Variants in ENTREP1 observed in about 807,000 individuals in gnomAD.
ENTREP1 encodes the protein Friedreich ataxia region gene X123.
chr9:69,358,075 T>C, the ENTREP1 span, among the ~76,000 whole-genome samples: 3 of 152,214 alleles, frequency 2.0e-5, no homozygotes, highest in Non-Finnish European at 4.4e-5. Flanking sequence ...AGTTAGAGTC[T>C]CAGCAAGACC....
the ENTREP1 span, among the ~76,000 whole-genome samples, chr9:69,371,893 AGTCTCT>A: frequency 1.3e-5 from 2 of 152,248 alleles, no homozygotes; most frequent in Non-Finnish European, 2.9e-5. Context: ...ACAATCAATC[AGTCTCT>A]GACTGTCCTC....
At chr9:69,371,476 T>G in the ENTREP1 span, 1 of 1,456,994 alleles carries the variant, frequency 6.9e-7, no homozygotes, top group Non-Finnish European at 9.6e-7. Flanking sequence ...TTTTACTAAC[T>G]GTCCATTCTC....
At chr9:69,363,026 C>G in the ENTREP1 span, among the ~76,000 whole-genome samples, 10 of 152,224 alleles carry the variant, frequency 6.6e-5, no homozygotes, top group African/African-American at 2.2e-4. Flanking sequence ...TCTAGAGAAC[C>G]CTGACAAATA....
chr9:69,390,272 T>TAACAAATGAA, the ENTREP1 span, among the ~76,000 whole-genome samples: 1 of 152,216 alleles, frequency 6.6e-6, no homozygotes, highest in African/African-American at 2.4e-5. Flanking sequence ...CTCAGAATGG[T>TAACAAATGAA]ACAAATGAAA....
chr9:69,336,800 C>T, the ENTREP1 span, among the ~76,000 whole-genome samples: 1 of 151,870 alleles, frequency 6.6e-6, no homozygotes, highest in Non-Finnish European at 1.5e-5. Flanking sequence ...TAACCTTTGC[C>T]TCCCGGGTTC....
the ENTREP1 span, among the ~76,000 whole-genome samples, chr9:69,362,460 A>G: frequency 6.6e-6 from 1 of 152,238 alleles, no homozygotes; most frequent in African/African-American, 2.4e-5. Context: ...AATTCAAAAT[A>G]CTGAATTGAA....
the ENTREP1 span, among the ~76,000 whole-genome samples, chr9:69,345,504 C>T: frequency 6.6e-6 from 1 of 152,184 alleles, no homozygotes; most frequent in South Asian, 2.1e-4. Context: ...ATATCTCAAA[C>T]ACACCACAGT....
At chr9:69,368,477 T>C in the ENTREP1 span, among the ~76,000 whole-genome samples, 1 of 152,212 alleles carries the variant, frequency 6.6e-6, no homozygotes, top group African/African-American at 2.4e-5. Flanking sequence ...CATGTTGATC[T>C]ATCCTTGCAT....
At chr9:69,390,197 A>T in the ENTREP1 span, among the ~76,000 whole-genome samples, 4 of 152,276 alleles carry the variant, frequency 2.6e-5, no homozygotes, top group African/African-American at 9.6e-5. Flanking sequence ...AAATGTAATT[A>T]GTAGACTGTT....
the ENTREP1 span, among the ~76,000 whole-genome samples, chr9:69,367,729 A>AT: frequency 7.3e-4 from 34 of 46,692 alleles, no homozygotes; most frequent in East Asian, 2.4e-3. Context: ...ATATATATAA[A>AT]AATATATATA....
At chr9:69,372,701 C>A in the ENTREP1 span, among the ~76,000 whole-genome samples, 14 of 152,210 alleles carry the variant, frequency 9.2e-5, no homozygotes, top group African/African-American at 3.1e-4. Context: ...GATATATAAC[C>A]AGAAGTGATC....
the ENTREP1 span, chr9:69,325,211 C>G: frequency 6.8e-6 from 7 of 1,034,366 alleles, no homozygotes; most frequent in African/African-American, 1.0e-4. Context: ...CGGAGCCCGT[C>G]TGCAGTGCCC....
At chr9:69,335,834 A>AGTCCTGACG in the ENTREP1 span, among the ~76,000 whole-genome samples, 2 of 147,096 alleles carry the variant, frequency 1.4e-5, no homozygotes, top group African/African-American at 5.1e-5. Context: ...GTGTGGTGAC[A>AGTCCTGACG]TGCGCCTGTA....
the ENTREP1 span, among the ~76,000 whole-genome samples, chr9:69,337,250 C>T: frequency 2.6e-5 from 4 of 151,944 alleles, no homozygotes; most frequent in East Asian, 1.9e-4. Flanking sequence ...TCAAGTGATC[C>T]GCCTGCCTTG....
At chr9:69,367,292 G>T in the ENTREP1 span, among the ~76,000 whole-genome samples, 10 of 151,526 alleles carry the variant, frequency 6.6e-5, no homozygotes, top group South Asian at 2.1e-3. Flanking sequence ...TTGAAGTCAG[G>T]TAATGTGATG....
chr9:69,324,852 C>G, the ENTREP1 span: 1 of 985,156 alleles, frequency 1.0e-6, no homozygotes, highest in East Asian at 1.1e-4. Context: ...CTAGCCCCAG[C>G]TCGGCGGGTG....
At chr9:69,388,006 C>T in the ENTREP1 span, 2 of 1,482,364 alleles carry the variant, frequency 1.3e-6, no homozygotes, top group Non-Finnish European at 9.1e-7. Flanking sequence ...GTTGTTTTCC[C>T]TCCTTCTGCA....
the ENTREP1 span, chr9:69,371,527 T>C: frequency 6.2e-7 from 1 of 1,613,876 alleles, no homozygotes; most frequent in Non-Finnish European, 8.5e-7. Flanking sequence ...CTCTCTGTGG[T>C]TTGTGTCCTC....
chr9:69,325,424 CCCCCGCTGCGGCCGCGCTGG>C, the ENTREP1 span: 19 of 996,300 alleles, frequency 1.9e-5, no homozygotes, highest in Admixed American at 6.1e-5. Context: ...GCCGCCGCTG[CCCCCGCTGCGGCCGCGCTGG>C]CCCCGGGGCG....
Sources: allele counts gnomAD v4.1 joint callset (sites outside exome capture counted in the v4.1 genomes callset), GRCh38; gene constraint gnomAD v4.1.1; transcripts MANE v1.5; gene names NCBI Gene and HGNC (gene_info 2026-07-23, HGNC 2026-07-21).